RTN4: variants seen among roughly 807,000 people sequenced by gnomAD.
The protein encoded by RTN4 is reticulon 4.
Under a neutral mutation model 90.4 loss-of-function variants are expected in RTN4, and 32 were observed. The ratio of observed to expected loss-of-function variants is 0.35; its 90% CI spans 0.27 to 0.48. RTN4 has a LOEUF of 0.48. RTN4 is among the 20% of genes least tolerant of loss of function. The pLI is 0.99. For synonymous variants in RTN4, 629 were observed against 552.5 expected (o/e 1.14, Z -1.94); for missense variants, 1,706 against 1,430.2 (o/e 1.19, Z -3.11).
chr2:55,055,174 G>C (rs1023143691), upstream of RTN4, among the ~76,000 whole-genome samples: 2 of 151,650 alleles, frequency 1.3e-5, no homozygotes, highest in Non-Finnish European at 2.9e-5. Context: ...TTTCCCTGGA[G>C]AAATTTATTT....
intron 3 of RTN4, among the ~76,000 whole-genome samples, chr2:54,992,839 G>A (rs190087426): frequency 1.3e-5 from 2 of 152,164 alleles, no homozygotes; most frequent in East Asian, 3.9e-4. Context: ...GAAGGCCGAG[G>A]CAGGTGGATC....
chr2:55,049,859 G>C lies in RTN4; in HGVS notation c.442C>G (p.Pro148Ala). 7.6e-7 allele frequency: 1 copy of C among 1,317,272 alleles called. No individual in the cohort carries two copies. Among genetic ancestry groups the C allele is most frequent in the African/African-American group, 1.5e-5 (1 of 64,794 alleles). 81.6% of individuals were successfully genotyped at this position (1,317,272 alleles called of 1,614,324 possible). Residue 148 changes from proline (P) to alanine (A), a missense_variant, in exon 1 of 9, where the codon CCG (proline) becomes GCG (alanine). Transcript: ENST00000337526. ...TCTGCCTGGGGGCTCACGCTGGCCG[G>C]GGGAGGAGGGGGAGGCCGGGCCGGA... ...EPPARPPPPP[P>A]ASVSPQAEPV...
intron 2 of RTN4, among the ~76,000 whole-genome samples, chr2:55,073,219 T>G (rs1347792336): frequency 1.3e-5 from 2 of 152,236 alleles, no homozygotes; most frequent in Non-Finnish European, 2.9e-5. Flanking sequence ...ACTTGTGACC[T>G]TTTTCTTGCC....
chr2:54,986,717 C>T (rs1180997479), intron 4 of RTN4, among the ~76,000 whole-genome samples: 2 of 152,040 alleles, frequency 1.3e-5, no homozygotes, highest in Admixed American at 6.6e-5. Context: ...GTGAATTAGT[C>T]GTTGTCGGGC....
chr2:55,014,692 T>C (rs1421787699), intron 3 of RTN4, among the ~76,000 whole-genome samples: 1 of 152,076 alleles, frequency 6.6e-6, no homozygotes, highest in Admixed American at 6.6e-5. Context: ...AATTTTTGTA[T>C]TTTTAGTAGA....
At chr2:55,089,359 C>T (rs1668897000) in intron 1 of RTN4, among the ~76,000 whole-genome samples, 1 of 152,204 alleles carries the variant, frequency 6.6e-6, no homozygotes, top group Non-Finnish European at 1.5e-5. Context: ...GATTCCTCCC[C>T]TCCCAGGACA....
the RTN4 span, among the ~76,000 whole-genome samples, chr2:55,124,201 C>T: frequency 1.3e-5 from 2 of 152,258 alleles, no homozygotes; most frequent in African/African-American, 2.4e-5. Context: ...TGGGGACACA[C>T]CACGGAACAA....
intron 5 of RTN4, among the ~76,000 whole-genome samples, chr2:54,977,772 T>C (rs909182612): frequency 6.6e-6 from 1 of 152,224 alleles, no homozygotes; most frequent in Non-Finnish European, 1.5e-5. Context: ...GCTCACTCTA[T>C]AAATACTTGA....
At chr2:54,986,820 A>C (rs1245392070) in intron 4 of RTN4, among the ~76,000 whole-genome samples, 1 of 152,154 alleles carries the variant, frequency 6.6e-6, no homozygotes, top group Non-Finnish European at 1.5e-5. Flanking sequence ...ATATACTAAA[A>C]ACCAATGAGT....
intron 1 of RTN4, among the ~76,000 whole-genome samples, chr2:55,030,431 C>T (rs574563717): frequency 4.5e-4 from 68 of 152,268 alleles, no homozygotes; most frequent in African/African-American, 1.6e-3. Context: ...GAATAGTTAA[C>T]TATCTTCTGG....
At chr2:54,986,943 T>C (rs889532611) in intron 4 of RTN4, among the ~76,000 whole-genome samples, 1 of 152,084 alleles carries the variant, frequency 6.6e-6, no homozygotes, top group Non-Finnish European at 1.5e-5. Context: ...AACTATATAA[T>C]GCTATAGTAT....
In RTN4 at chr2:55,025,774, T is replaced by G. The variant is rs1573413322; in HGVS notation, c.2325A>C (p.Ser775=). 2 of 1,613,496 alleles carry G rather than the reference T, an allele frequency of 1.2e-6. No homozygotes were observed. Among genetic ancestry groups the G allele is most frequent in the Non-Finnish European group, 1.7e-6 (2 of 1,179,726 alleles). ...MLVKESLTET[S]FESMIEYENK... is the part of the protein sequence containing the mutation. The stretch of plus-strand genomic sequence containing the variant: ...TTTCATATTCTATCATTGACTCAAA[T>G]GAAGTCTCAGTGAGACTTTCTTTCA... Residue 775 remains serine (S), a synonymous_variant, in exon 3 of 9, where the codon TCA becomes TCC. Transcript: ENST00000337526.
chr2:55,059,112 G>A (rs775719752), intron 2 of RTN4, among the ~76,000 whole-genome samples: 2 of 152,044 alleles, frequency 1.3e-5, no homozygotes, highest in South Asian at 2.1e-4. Flanking sequence ...ATGACCTTGA[G>A]CAAGTCAATT....
intron 1 of RTN4, among the ~76,000 whole-genome samples, chr2:55,096,370 G>A (rs1464202771): frequency 6.6e-6 from 1 of 150,998 alleles, no homozygotes; most frequent in Non-Finnish European, 1.5e-5. Context: ...ACTTATCACT[G>A]CTGATGCTGA....
chr2:55,028,175 C>G lies in RTN4; in HGVS notation c.602G>C (p.Arg201Pro). ...CAGAAAGAACTTGCCTGCAGAGGAG[C>G]GTATCACAGGCTCAGATGCAGCAGG... is the stretch of plus-strand genomic sequence containing the variant. ...ALPAASEPVIRSSAENMDLKE... is the reference protein window; with the variant it reads ...ALPAASEPVIPSSAENMDLKE... Residue 201 changes from arginine (R) to proline (P), a missense_variant, in exon 2 of 9, where the codon CGC (arginine) becomes CCC (proline). Transcript: ENST00000337526. The G allele has an allele frequency of 3.7e-6, 6 of 1,612,466 alleles. No homozygotes were observed. The highest frequency in any genetic ancestry group is 5.1e-6 in the Non-Finnish European group (6 of 1,179,204).
chr2:55,052,915 T>C (rs563975743), upstream of RTN4, among the ~76,000 whole-genome samples: 3 of 152,342 alleles, frequency 2.0e-5, no homozygotes, highest in South Asian at 6.2e-4. Context: ...TTACGTTATT[T>C]GCAAGTTGTT....
the RTN4 span, among the ~76,000 whole-genome samples, chr2:55,118,565 T>C: frequency 6.6e-6 from 1 of 151,424 alleles, no homozygotes; most frequent in Admixed American, 6.6e-5. Context: ...TTCACGATTC[T>C]TTTGTAAAAC....
At chr2:55,126,273 G>C in the RTN4 span, among the ~76,000 whole-genome samples, 1 of 151,972 alleles carries the variant, frequency 6.6e-6, no homozygotes, top group Middle Eastern at 3.2e-3. Context: ...AGAGGCTGAG[G>C]CATGAGAATC....
At chr2:55,084,030 G>T (rs115023012) in intron 1 of RTN4, among the ~76,000 whole-genome samples, 3,167 of 152,264 alleles carry the variant, frequency 0.021, 45 homozygotes, top group Non-Finnish European at 0.032. Context: ...TCACCAGAAA[G>T]ACCAACCCAT....
Sources: allele counts gnomAD v4.1 joint callset (sites outside exome capture counted in the v4.1 genomes callset), GRCh38; gene constraint gnomAD v4.1.1; transcripts MANE v1.5; gene names NCBI Gene and HGNC (gene_info 2026-07-23, HGNC 2026-07-21).